MAP1A: variants seen among roughly 807,000 people sequenced by gnomAD.
MAP1A encodes the protein microtubule associated protein 1A.
In MAP1A, 42 loss-of-function variants were observed where a neutral mutation model predicts 185.9. The ratio of observed to expected loss-of-function variants is 0.23; its 90% confidence interval spans 0.18 to 0.29. The LOEUF (loss-of-function observed/expected upper bound fraction) is 0.29. MAP1A is among the 10% of genes least tolerant of loss of function. The pLI, the probability that MAP1A is intolerant of heterozygous loss-of-function variation, is 1.00. For synonymous variants in MAP1A, 1,229 were observed against 1,335.9 expected (o/e 0.92, Z 1.74); for missense variants, 2,995 against 3,450.4 (o/e 0.87, Z 3.31).
chr15:43,524,586 G>C lies in MAP1A; in HGVS notation c.3113G>C (p.Gly1038Ala), dbSNP rs767948299. ...DSWGDTKRTP[G>A]VGKEDAAEET... ...TGGGGAGACACTAAGCGCACACCAG[G>C]TGTGGGCAAAGAAGATGCTGCTGAG... Residue 1038 changes from glycine to alanine, a missense_variant, in exon 4 of 6, where the codon GGT (glycine) becomes GCT (alanine). Gly to Ala is a moderately conservative substitution (Grantham distance 60, BLOSUM62 0). This residue lies in a region of MAP1A where 2,728 missense variants were observed against 2,986.0 expected (regional missense o/e 0.91). Coordinates refer to ENST00000300231, the MANE Select transcript of MAP1A (RefSeq NM_002373.6). The C allele has an allele frequency of 2.7e-5, 44 of 1,614,014 alleles. No homozygotes were observed. The highest frequency in any genetic ancestry group is 9.9e-5 in the South Asian group (9 of 91,086).
Position 43,520,900 on chromosome 15 carries a change from G to A in MAP1A, c.-291-72G>A, listed in dbSNP as rs912668994. The A allele has an allele frequency of 2.1e-6, 3 of 1,445,658 alleles. No individual in the cohort carries two copies. The African/African-American group carries it at 4.2e-5, about 20-fold the overall frequency. The allele number at this position is 1,445,658 out of a possible 1,614,324, so 89.6% of individuals were successfully genotyped here. A position where few individuals can be genotyped will look rare whatever the true frequency, so the allele number is the denominator to read the frequency against. ...CATAAGTTGGGAGCATGTTCTTGAG[G>A]TACTGAGGGGCCATTCATTGCCTTT... On this transcript the variant is annotated intron_variant, in intron 2 of 5. Coordinates refer to ENST00000300231, the MANE Select transcript of MAP1A (RefSeq NM_002373.6).
chr15:43,522,348 C>T lies in MAP1A; in HGVS notation c.875C>T (p.Pro292Leu). The change falls in exon 4 of 6, where the codon CCT becomes CTT. Residue 292 changes from proline (P) to leucine (L), a missense_variant. This residue lies in a region of MAP1A where 264 missense variants were observed against 435.3 expected (regional missense o/e 0.61). Transcript: ENST00000300231. This position sits in a 1 kb window ranked among gnomAD's most constrained non-coding sequence, Gnocchi z 5.9. Reference sequence around the variant, plus strand: ...CGGCATCTGGACTTCCTGCGTTACCCTGTGGCCACGCAGAAGGACCTGGCT... The same window carrying T: ...CGGCATCTGGACTTCCTGCGTTACCTTGTGGCCACGCAGAAGGACCTGGCT... ...KLRHLDFLRY[P>L]VATQKDLASG... The T allele has an allele frequency of 6.2e-7, 1 of 1,614,152 alleles. No homozygotes were observed. The highest frequency in any genetic ancestry group is 8.5e-7 in the Non-Finnish European group (1 of 1,180,018).
Position 43,524,797 on chromosome 15 carries a change from C to T in MAP1A, c.3324C>T (p.Pro1108=). ...TTGAGATTATGGAGGCAGGAGAGCC[C>T]ACAGGCCCAATTCTGGGAGCAGAAG... ...IVFEIMEAGE[P]TGPILGAEAL... is the part of the protein sequence containing the mutation. Residue 1108 remains proline, a synonymous_variant, in exon 4 of 6, where the codon CCC becomes CCT. Transcript: ENST00000300231. 6.2e-7 allele frequency: 1 copy of T among 1,614,154 alleles called. No individual in the cohort carries two copies. Among genetic ancestry groups the T allele is most frequent in the Non-Finnish European group, 8.5e-7 (1 of 1,180,026 alleles).
At position 43,524,009 on chromosome 15, in the gene MAP1A, G is replaced by T; in HGVS notation, c.2536G>T (p.Ala846Ser). 2 of 1,614,068 alleles carry T rather than the reference G, an allele frequency of 1.2e-6. No homozygotes were observed. The highest frequency in any genetic ancestry group is 1.7e-6 in the Non-Finnish European group (2 of 1,180,030). ...ACTTTCTTCCTTTGCCACATCAGTG[G>T]CTGAGGACCAATCTGTGGCCTCACT... is the stretch of plus-strand genomic sequence containing the variant. ...DKLSSFATSVAEDQSVASLTA... is the reference protein window; with the variant it reads ...DKLSSFATSVSEDQSVASLTA... The change falls in exon 4 of 6, where the codon GCT becomes TCT. Residue 846 changes from alanine (A) to serine (S), a missense_variant. Coordinates refer to ENST00000300231, the MANE Select transcript of MAP1A (RefSeq NM_002373.6).
At position 43,523,769 on chromosome 15, in the gene MAP1A, C is replaced by T. The variant is rs768116252; in HGVS notation, c.2296C>T (p.Pro766Ser). The part of the protein sequence containing the change: ...HDEPEERPAP[P>S]RFHTSTYDLP... Reference sequence around the variant, plus strand: ...TGAGCCGGAGGAGCGCCCAGCTCCACCCAGATTTCATACAAGTACATATGA... The same window carrying T: ...TGAGCCGGAGGAGCGCCCAGCTCCATCCAGATTTCATACAAGTACATATGA... The change falls in exon 4 of 6, where the codon CCC becomes TCC. Residue 766 changes from proline (P) to serine (S), a missense_variant. By Grantham distance (74) the Pro-to-Ser change is moderately conservative (BLOSUM62 -1). Transcript: ENST00000300231. 3 of 1,614,112 alleles carry T rather than the reference C, an allele frequency of 1.9e-6. No individual in the cohort carries two copies. Among genetic ancestry groups the T allele is most frequent in the Non-Finnish European group, 2.5e-6 (3 of 1,180,028 alleles).
At chr15:43,512,156 C>G in intron 1 of MAP1A, 1 of 1,326,626 alleles carries the variant, frequency 7.5e-7, no homozygotes, top group Non-Finnish European at 1.1e-6. Flanking sequence ...AACCTGCAAC[C>G]TTATCCAGAA....
rs772404391 is a variant in MAP1A, at chr15:43,524,059, A to C, written c.2586A>C (p.Thr862=). 4 of 1,614,134 alleles carry C rather than the reference A, an allele frequency of 2.5e-6. No individual in the cohort carries two copies. Residue 862 remains threonine, a synonymous_variant, in exon 4 of 6, where the codon ACA becomes ACC. Transcript: ENST00000300231. Reference sequence around the variant, plus strand: ...TTACAGCTCCCCAGACAGAGGAGACAGGCAAGAGCTCCCTGCTGCTTGACA... The same window carrying C: ...TTACAGCTCCCCAGACAGAGGAGACCGGCAAGAGCTCCCTGCTGCTTGACA... ...ASLTAPQTEE[T]GKSSLLLDTV...
upstream of MAP1A, among the ~76,000 whole-genome samples, chr15:43,516,213 T>C (rs1286093628): frequency 6.6e-6 from 1 of 152,174 alleles, no homozygotes; most frequent in African/African-American, 2.4e-5. Flanking sequence ...AGATGGCCGC[T>C]TCTACCCAAA....
At position 43,522,558 on chromosome 15, in the gene MAP1A, A is replaced by G. The variant is rs745762517; in HGVS notation, c.1085A>G (p.Lys362Arg). 2 of 1,611,338 alleles carry G rather than the reference A, an allele frequency of 1.2e-6. No individual in the cohort carries two copies. The highest frequency in any genetic ancestry group is 2.7e-5 in the African/African-American group (2 of 74,868). Reference sequence around the variant, plus strand: ...AAGGAGTTAGCCAAGACAGAGAAGAAGGCAAAAGAGTCATCTGAGAAGCCC... The same window carrying G: ...AAGGAGTTAGCCAAGACAGAGAAGAGGGCAAAAGAGTCATCTGAGAAGCCC... ...LAKELAKTEK[K>R]AKESSEKPPE... The change falls in exon 4 of 6, where the codon AAG (lysine) becomes AGG (arginine). Residue 362 changes from lysine to arginine, a missense_variant. Physicochemically the swap from Lys to Arg is conservative, Grantham distance 26 (BLOSUM62 2). Transcript: ENST00000300231. The surrounding 1 kb of genome is among the most constrained non-coding windows in gnomAD (Gnocchi z 5.9).
Position 43,522,464 on chromosome 15 carries a change from G to A in MAP1A, c.991G>A (p.Val331Met), listed in dbSNP as rs771947278. ...CCTCAAAGCCACTACCAAGACGGCCGTGAGCAAGTTGGCCAAACGGGAGGA... is the reference window on the plus strand; with the variant it reads ...CCTCAAAGCCACTACCAAGACGGCCATGAGCAAGTTGGCCAAACGGGAGGA... Reference protein sequence around the residue: ...ESLKATTKTAVSKLAKREEVV... With the variant: ...ESLKATTKTAMSKLAKREEVV... Residue 331 changes from valine to methionine, a missense_variant, in exon 4 of 6, where the codon GTG becomes ATG. By Grantham distance (21) the Val-to-Met change is conservative. Coordinates refer to ENST00000300231, the MANE Select transcript of MAP1A (RefSeq NM_002373.6). The surrounding 1 kb of genome is among the most constrained non-coding windows in gnomAD (Gnocchi z 5.9). The A allele has an allele frequency of 9.9e-6, 16 of 1,613,970 alleles. No individual in the cohort carries two copies. The highest frequency in any genetic ancestry group is 5.0e-5 in the Admixed American group (3 of 59,980).
Position 43,528,901 on chromosome 15 carries a change from A to G in MAP1A, c.7428A>G (p.Arg2476=). The G allele has an allele frequency of 6.2e-7, 1 of 1,612,782 alleles. No individual in the cohort carries two copies. Among genetic ancestry groups the G allele is most frequent in the Non-Finnish European group, 8.5e-7 (1 of 1,179,796 alleles). The stretch of plus-strand genomic sequence containing the variant: ...CTGAGGAAGTTCGGCTAGTAGGAAG[A>G]GGGGGGCGGCGCCGGGTAGGGGGGC... ...LSTEEVRLVG[R]GGRRRVGGPG... The change falls in exon 4 of 6, where the codon AGA becomes AGG. Residue 2476 remains arginine, a synonymous_variant. Transcript: ENST00000300231.
chr15:43,511,232 C>T, intron 1 of MAP1A: 2 of 1,547,692 alleles, frequency 1.3e-6, no homozygotes, highest in Non-Finnish European at 1.7e-6. Context: ...ACAAGGTGAG[C>T]CACTGTTCTG....
At chr15:43,512,729 G>A (rs2140200224), upstream of MAP1A, among the ~76,000 whole-genome samples, 1 of 152,272 alleles carries the variant, frequency 6.6e-6, no homozygotes, top group African/African-American at 2.4e-5. Context: ...GGCTGCACAG[G>A]TTTCAGGGTT....
In MAP1A at chr15:43,528,776, C is replaced by T; in HGVS notation, c.7303C>T (p.Gln2435Ter). The part of the protein sequence containing the change: ...SASPEVEAGP[Q>*]GCATEPRPHR... Reference sequence around the variant, plus strand: ...CTCTCCTGAGGTCGAAGCTGGGCCCCAGGGATGTGCCACTGAGCCTCGGCC... The same window carrying T: ...CTCTCCTGAGGTCGAAGCTGGGCCCTAGGGATGTGCCACTGAGCCTCGGCC... Residue 2435 changes from glutamine to a stop codon, truncating the protein, a stop_gained, in exon 4 of 6, where the codon CAG (glutamine) becomes TAG (stop). Transcript: ENST00000300231. LOFTEE classifies it high-confidence loss of function. The T allele has an allele frequency of 6.2e-7, 1 of 1,613,514 alleles. No homozygotes were observed. Among genetic ancestry groups the T allele is most frequent in the Non-Finnish European group, 8.5e-7 (1 of 1,179,954 alleles).
At chr15:43,512,345 C>CAAAGGTTAGGA in intron 2 of MAP1A, 1 of 1,295,160 alleles carries the variant, frequency 7.7e-7, no homozygotes, top group Non-Finnish European at 1.1e-6. Flanking sequence ...TCACAGAGGT[C>CAAAGGTTAGGA]CAGTCTCCCT....
Position 43,526,675 on chromosome 15 carries a change from A to C in MAP1A, c.5202A>C (p.Pro1734=). The C allele has an allele frequency of 1.2e-6, 2 of 1,614,104 alleles. No homozygotes were observed. Among genetic ancestry groups the C allele is most frequent in the Non-Finnish European group, 1.7e-6 (2 of 1,180,016 alleles). The change falls in exon 4 of 6, where the codon CCA becomes CCC. Residue 1734 remains proline (P), a synonymous_variant. Transcript: ENST00000300231. This position sits in a 1 kb window ranked among gnomAD's most constrained non-coding sequence, Gnocchi z 4.7. ...AAAGCACTTTCCTAGATGAGGGCCCAGATGATGAGCAAGAAGTACCCCTGC... is the reference window on the plus strand; with the variant it reads ...AAAGCACTTTCCTAGATGAGGGCCCCGATGATGAGCAAGAAGTACCCCTGC... ...ERESTFLDEG[P]DDEQEVPLRE...
chr15:43,527,351 C>G lies in MAP1A; in HGVS notation c.5878C>G (p.Pro1960Ala). The G allele has an allele frequency of 6.2e-7, 1 of 1,614,204 alleles. No individual in the cohort carries two copies. The highest frequency in any genetic ancestry group is 2.2e-5 in the East Asian group (1 of 44,888). Residue 1960 changes from proline (P) to alanine (A), a missense_variant, in exon 4 of 6, where the codon CCT (proline) becomes GCT (alanine). Pro to Ala is a conservative substitution (Grantham distance 27). Transcript: ENST00000300231. ...GGAGCAGAGAGAGCCCACACCCTAT[C>G]CTGATGAGAGAAGCTTTCAGTATGC... ...EPEQREPTPY[P>A]DERSFQYADI... is the part of the protein sequence containing the mutation.
At position 43,528,716 on chromosome 15, in the gene MAP1A, C is replaced by T; in HGVS notation, c.7243C>T (p.Pro2415Ser). 1 of 1,613,398 alleles carries T rather than the reference C, an allele frequency of 6.2e-7. No homozygotes were observed. Residue 2415 changes from proline (P) to serine (S), a missense_variant, in exon 4 of 6, where the codon CCT becomes TCT. Pro to Ser is a moderately conservative substitution (Grantham distance 74). Around this residue, in one of 3 missense-constraint regions of MAP1A, gnomAD observed 2,728 missense variants for 2,986.0 expected, o/e 0.91. Coordinates refer to ENST00000300231, the MANE Select transcript of MAP1A (RefSeq NM_002373.6). ...TLLSPEQPVCPAGGSGGPPSS... is the reference protein window; with the variant it reads ...TLLSPEQPVCSAGGSGGPPSS... The stretch of plus-strand genomic sequence containing the variant: ...GCTCTCCCCTGAGCAGCCAGTGTGT[C>T]CTGCAGGGGGCTCCGGGGGCCCACC...
At chr15:43,520,577 T>C in intron 1 of MAP1A, 64 bp from the exon 2 acceptor site, 1 of 1,090,410 alleles carries the variant, frequency 9.2e-7, no homozygotes, top group South Asian at 1.3e-5. Flanking sequence ...AGCACATTCT[T>C]TCCTCTCCTG....
Sources: gnomAD v4.1 joint callset for allele counts (sites outside exome capture counted in the v4.1 genomes callset) on GRCh38, gnomAD v4.1.1 for gene constraint, gnomAD v4.1.1 regional missense constraint, Gnocchi (gnomAD v3.1) non-coding constraint, MANE v1.5 for transcripts, NCBI Gene and HGNC (gene_info 2026-07-23, HGNC 2026-07-21) for gene names.